Variants in TBC1D16 observed in about 807,000 individuals in gnomAD.
TBC1D16 encodes CTD-2529O21.1.
Under a neutral mutation model 74.7 loss-of-function variants are expected in TBC1D16, and 58 were observed. The observed-to-expected ratio is 0.78, with a 90% CI of 0.63 to 0.97. TBC1D16 has a LOEUF of 0.97. Among genes scored for constraint, TBC1D16 ranks in the 50% least tolerant of loss-of-function variants. The pLI is 0.00. For synonymous variants in TBC1D16, 493 were observed against 474.7 expected, an observed-to-expected ratio of 1.04 and a Z score of -0.50; for missense variants, 1,014 against 1,079.5, an observed-to-expected ratio of 0.94 and a Z score of 0.85.
intron 1 of TBC1D16, among the ~76,000 whole-genome samples, chr17:80,017,103 A>T (rs1165041160): frequency 6.6e-6 from 1 of 152,038 alleles, no homozygotes; most frequent in Non-Finnish European, 1.5e-5. Context: ...AGGCTCCCTC[A>T]ACATGTCCAA....
chr17:79,977,829 C>G (rs927514063), intron 3 of TBC1D16, among the ~76,000 whole-genome samples: 39 of 152,338 alleles, frequency 2.6e-4, no homozygotes, highest in African/African-American at 8.2e-4. Context: ...GGAGTCTGCT[C>G]GCAGAGCCCA....
At chr17:79,942,313 G>A in intron 10 of TBC1D16, 107 bp from the exon 11 acceptor site, 1 of 1,263,004 alleles carries the variant, frequency 7.9e-7, no homozygotes, top group South Asian at 1.5e-5. Context: ...AGGGCGAGGG[G>A]TCTGGGCTCA....
At chr17:79,970,171 A>G (rs957753353) in intron 3 of TBC1D16, among the ~76,000 whole-genome samples, 4 of 152,224 alleles carry the variant, frequency 2.6e-5, no homozygotes, top group African/African-American at 9.6e-5. Flanking sequence ...AAGCGAAAGA[A>G]GCCAGTCACA....
At position 79,941,527 on chromosome 17, in the gene TBC1D16, C is replaced by G. The variant is rs558750819; in HGVS notation, c.2056-420G>C. ...AGCAGCCTCTCAGCTCCTGCAGGAT[C>G]TGTGTCCTGTGCCAGAGGACACCAC... On this transcript the variant is annotated intron_variant, in intron 11 of 11. Transcript: ENST00000310924. This position sits in a 1 kb window ranked among gnomAD's most constrained non-coding sequence, Gnocchi z 4.3. 6.6e-6 allele frequency among the ~76,000 whole-genome samples: 1 copy of G among 152,264 alleles called. No homozygotes were observed. The highest frequency in any genetic ancestry group is 6.5e-5 in the Admixed American group (1 of 15,302).
In TBC1D16 at chr17:79,939,539, C is replaced by T. The variant is rs140659251; in HGVS notation, c.*1320G>A. On this transcript the variant is annotated 3_prime_UTR_variant, in exon 12 of 12. Coordinates refer to ENST00000310924, the MANE Select transcript of TBC1D16 (RefSeq NM_019020.4). ...TCAAGGGTTTTTCTCCCCAGAAGGA[C>T]GCGATGGAGGATTTCAGGAGGGATT... The T allele has an allele frequency of 2.0e-5, 3 of 152,170 alleles. No homozygotes were observed. Among genetic ancestry groups the T allele is most frequent in the African/African-American group, 4.8e-5 (2 of 41,430 alleles). The allele number at this position is 152,170 out of a possible 1,614,324, so 9.4% of individuals were successfully genotyped here. A position where few individuals can be genotyped will look rare whatever the true frequency, so the allele number is the denominator to read the frequency against.
Position 79,993,716 on chromosome 17 carries a change from T to C in TBC1D16, c.779+16444A>G, listed in dbSNP as rs2035160864. The C allele has an allele frequency of 6.6e-6, 1 of 152,258 alleles. No individual in the cohort carries two copies. Among genetic ancestry groups the C allele is most frequent in the African/African-American group, 2.4e-5 (1 of 41,470 alleles). The allele number at this position is 152,258 out of a possible 1,614,324, so 9.4% of individuals were successfully genotyped here. A position where few individuals can be genotyped will look rare whatever the true frequency, so the allele number is the denominator to read the frequency against. ...CGGGAGACAGGCGCTGCCACATCACTGCCTCTGGGAGCCCGTGACCTCATG... is the reference window on the plus strand; with the variant it reads ...CGGGAGACAGGCGCTGCCACATCACCGCCTCTGGGAGCCCGTGACCTCATG... On this transcript the variant is annotated intron_variant, in intron 3 of 11. Coordinates refer to ENST00000310924, the MANE Select transcript of TBC1D16 (RefSeq NM_019020.4). The surrounding 1 kb of genome is among the most constrained non-coding windows in gnomAD (Gnocchi z 5.1).
In TBC1D16 at chr17:79,950,975, C is replaced by T. The variant is rs548375749; in HGVS notation, c.1090-397G>A. The T allele has an allele frequency of 5.7e-6, 5 of 877,316 alleles. No individual in the cohort carries two copies. The East Asian group carries it at 1.4e-4, about 25-fold the overall frequency. 54.3% of individuals were successfully genotyped at this position (877,316 alleles called of 1,614,324 possible). A position where few individuals can be genotyped will look rare whatever the true frequency, so the allele number is the denominator to read the frequency against. On this transcript the variant is annotated intron_variant, in intron 5 of 11. Transcript: ENST00000310924. This position sits in a 1 kb window ranked among gnomAD's most constrained non-coding sequence, Gnocchi z 4.6. Reference sequence around the variant, plus strand: ...GGGAGCCAGCCTGTCAGATTGCCTCCGCGAGCAGTCACGAATCCAGGGCAA... The same window carrying T: ...GGGAGCCAGCCTGTCAGATTGCCTCTGCGAGCAGTCACGAATCCAGGGCAA...
intron 2 of TBC1D16, among the ~76,000 whole-genome samples, chr17:80,012,748 T>C (rs997777030): frequency 2.0e-5 from 3 of 152,196 alleles, no homozygotes; most frequent in Non-Finnish European, 4.4e-5. Context: ...CTGGGACTTC[T>C]GTCTGTACTC....
intron 3 of TBC1D16, among the ~76,000 whole-genome samples, chr17:79,955,642 G>C (rs921966341): frequency 5.9e-5 from 9 of 152,138 alleles, no homozygotes; most frequent in African/African-American, 2.2e-4. Context: ...TTTTGCAGGC[G>C]ATAACTCCCA....
At chr17:79,943,796 C>T (rs185995763) in intron 10 of TBC1D16, 13,524 of 1,270,124 alleles carry the variant, frequency 0.011, 87 homozygotes, top group Non-Finnish European at 0.013. Context: ...TGCCGGGCCA[C>T]GCGCTGAGTT....
chr17:79,983,178 C>T lies in TBC1D16; in HGVS notation c.779+26982G>A, dbSNP rs572916250. Among the ~76,000 whole-genome samples the T allele has an allele frequency of 2.6e-5, 4 of 152,282 alleles. No homozygotes were observed. The highest frequency in any genetic ancestry group is 2.1e-4 in the South Asian group (1 of 4,830). On this transcript the variant is annotated intron_variant, in intron 3 of 11. Transcript: ENST00000310924. The surrounding 1 kb of genome is among the most constrained non-coding windows in gnomAD (Gnocchi z 5.6). Reference sequence around the variant, plus strand: ...CCTCACCAACAGGCCGCTGTGCAGGCGTGAAACCCAGTGGCGGTTCAGAAG... The same window carrying T: ...CCTCACCAACAGGCCGCTGTGCAGGTGTGAAACCCAGTGGCGGTTCAGAAG...
chr17:80,013,575 A>C lies in TBC1D16; in HGVS notation c.-28T>G. 1 of 1,468,468 alleles carries C rather than the reference A, an allele frequency of 6.8e-7. No homozygotes were observed. Among genetic ancestry groups the C allele is most frequent in the Non-Finnish European group, 9.0e-7 (1 of 1,106,294 alleles). The allele number at this position is 1,468,468 out of a possible 1,614,324, so 91.0% of individuals were successfully genotyped here. ...CCGGGCAAGTGTTTCCATCCTCCGC[A>C]TGCGTCGGCCCGGGCAGGGCTCGTC... On this transcript the variant is annotated 5_prime_UTR_variant, in exon 2 of 12. An upstream start codon of the reference 5' UTR is lost. Coordinates refer to ENST00000310924, the MANE Select transcript of TBC1D16 (RefSeq NM_019020.4).
chr17:79,940,094 C>A lies in TBC1D16; in HGVS notation c.*765G>T, dbSNP rs2031855402. 6.6e-6 allele frequency: 1 copy of A among 152,162 alleles called. No homozygotes were observed. Among genetic ancestry groups the A allele is most frequent in the South Asian group, 2.1e-4 (1 of 4,834 alleles). The allele number at this position is 152,162 out of a possible 1,614,324, so 9.4% of individuals were successfully genotyped here. ...GCCAAGGAACCTCACGTAGAAGACC[C>A]CCAGCAAAGAAAAAGGCATCAGATG... On this transcript the variant is annotated 3_prime_UTR_variant, in exon 12 of 12. Coordinates refer to ENST00000310924, the MANE Select transcript of TBC1D16 (RefSeq NM_019020.4). This position sits in a 1 kb window ranked among gnomAD's most constrained non-coding sequence, Gnocchi z 5.4.
intron 1 of TBC1D16, among the ~76,000 whole-genome samples, chr17:80,016,356 A>G (rs577342678): frequency 1.3e-4 from 20 of 152,252 alleles, no homozygotes; most frequent in Non-Finnish European, 2.9e-4. Context: ...CGGCTCTACA[A>G]CATGATCGTA....
In TBC1D16 at chr17:79,942,159, G is replaced by A. The variant is rs749281378; in HGVS notation, c.1956C>T (p.Tyr652=). ...GCTGCTGCTCGATGACGTCATCCCC[G>A]TAGATGGCCACGATGGCCACGCAGA... is the stretch of plus-strand genomic sequence containing the variant. ...LFICVAIVAI[Y]GDDVIEQQLA... Residue 652 remains tyrosine, a synonymous_variant, in exon 11 of 12, where the codon TAC becomes TAT. Coordinates refer to ENST00000310924, the MANE Select transcript of TBC1D16 (RefSeq NM_019020.4). The A allele has an allele frequency of 1.1e-5, 18 of 1,609,490 alleles. No individual in the cohort carries two copies. In the East Asian group the frequency reaches 2.0e-4, roughly 18 times the overall value.
rs560930643 is a variant in TBC1D16 at position 80,035,003 on chromosome 17, C to T, written c.-63+792G>A. ...TTTGAACTTGACCCAGACAGTAAAACAAACTTTACCATAAGGCGAGACTAA... is the reference window on the plus strand; with the variant it reads ...TTTGAACTTGACCCAGACAGTAAAATAAACTTTACCATAAGGCGAGACTAA... On this transcript the variant is annotated intron_variant, in intron 1 of 11. Coordinates refer to ENST00000310924, the MANE Select transcript of TBC1D16 (RefSeq NM_019020.4). This position sits in a 1 kb window ranked among gnomAD's most constrained non-coding sequence, Gnocchi z 5.3. 3.9e-5 allele frequency among the ~76,000 whole-genome samples: 6 copies of T among 152,308 alleles called. No individual in the cohort carries two copies. The highest frequency in any genetic ancestry group is 1.4e-4 in the African/African-American group (6 of 41,582).
At chr17:80,011,008 G>T (rs1040805119) in intron 2 of TBC1D16, among the ~76,000 whole-genome samples, 2 of 152,076 alleles carry the variant, frequency 1.3e-5, no homozygotes, top group African/African-American at 4.8e-5. Context: ...CCCAAGCACC[G>T]GCCTGCCATG....
At chr17:79,963,004 C>T (rs1272604604) in intron 3 of TBC1D16, among the ~76,000 whole-genome samples, 3 of 150,920 alleles carry the variant, frequency 2.0e-5, no homozygotes, top group Non-Finnish European at 4.4e-5. Flanking sequence ...GAGCCGAGAT[C>T]GCGCCATTGC....
At position 80,010,338 on chromosome 17, in the gene TBC1D16, C is replaced by T. The variant is rs1279548496; in HGVS notation, c.601G>A (p.Glu201Lys). 4 of 1,611,496 alleles carry T rather than the reference C, an allele frequency of 2.5e-6. No homozygotes were observed. The highest frequency in any genetic ancestry group is 3.4e-6 in the Non-Finnish European group (4 of 1,178,984). Reference protein sequence around the residue: ...SPQDVTEEGREPRPEAGEEDG... With the variant: ...SPQDVTEEGRKPRPEAGEEDG... ...TCCTCCCCGGCCTCGGGCCGCGGCT[C>T]CCGCCCCTCCTCGGTGACATCCTGC... The change falls in exon 3 of 12, where the codon GAG (glutamate) becomes AAG (lysine). Residue 201 changes from glutamate to lysine, a missense_variant. Coordinates refer to ENST00000310924, the MANE Select transcript of TBC1D16 (RefSeq NM_019020.4). This position sits in a 1 kb window ranked among gnomAD's most constrained non-coding sequence, Gnocchi z 8.8.
Sources: gnomAD v4.1 joint callset for allele counts (sites outside exome capture counted in the v4.1 genomes callset) on GRCh38, gnomAD v4.1.1 for gene constraint, Gnocchi (gnomAD v3.1) non-coding constraint, MANE v1.5 for transcripts, NCBI Gene and HGNC (gene_info 2026-07-23, HGNC 2026-07-21) for gene names.